The following EPHA4 variants were observed in gnomAD, a reference collection of about 807,000 sequenced individuals.
EPHA4 encodes ephrin type-A receptor 4.
EPHA4 carries 19 observed loss-of-function variants against 108.3 expected under a neutral mutation model. That is an observed-to-expected ratio of 0.18 (90% CI 0.12 to 0.26). The LOEUF (loss-of-function observed/expected upper bound fraction) is 0.26, where lower values mean the gene tolerates loss of function less well. EPHA4 is among the 10% of genes least tolerant of loss of function. The pLI is 1.00. For synonymous variants in EPHA4, 449 were observed against 455.5 expected, an observed-to-expected ratio of 0.99 and a Z score of 0.18; for missense variants, 917 against 1,254.0, an observed-to-expected ratio of 0.73 and a Z score of 4.06.
At chr2:221,422,427 C>A (rs1483866546) in intron 17 of EPHA4, among the ~76,000 whole-genome samples, 1 of 152,198 alleles carries the variant, frequency 6.6e-6, no homozygotes, top group East Asian at 1.9e-4. Flanking sequence ...CTCATAAACA[C>A]GTGTTGCCTT....
intron 3 of EPHA4, among the ~76,000 whole-genome samples, chr2:221,561,805 A>G (rs1694473958): frequency 6.6e-6 from 1 of 152,272 alleles, no homozygotes; most frequent in South Asian, 2.1e-4. Flanking sequence ...AATCAATGAC[A>G]TTAGATACAC....
chr2:221,559,127 T>A (rs1265758523), intron 3 of EPHA4, among the ~76,000 whole-genome samples: 2 of 152,256 alleles, frequency 1.3e-5, no homozygotes, highest in African/African-American at 4.8e-5. Context: ...TTGTTCTTTC[T>A]TTAAAAAGCT....
chr2:221,566,821 A>G (rs183549777), intron 2 of EPHA4, among the ~76,000 whole-genome samples: 4 of 141,710 alleles, frequency 2.8e-5, no homozygotes, highest in African/African-American at 1.1e-4. Context: ...GAAGAAGGAG[A>G]AGAAGGAGAA....
intron 5 of EPHA4, among the ~76,000 whole-genome samples, chr2:221,478,014 A>T (rs1336780645): frequency 6.6e-6 from 1 of 152,144 alleles, no homozygotes; most frequent in African/African-American, 2.4e-5. Flanking sequence ...CAAAGTAAAA[A>T]TAAAAAATGG....
At chr2:221,549,439 C>A (rs1694096595) in intron 3 of EPHA4, among the ~76,000 whole-genome samples, 1 of 152,206 alleles carries the variant, frequency 6.6e-6, no homozygotes, top group East Asian at 1.9e-4. Context: ...CACTTTCACT[C>A]TCCCCTCTCT....
intron 3 of EPHA4, among the ~76,000 whole-genome samples, chr2:221,524,036 G>A (rs959670286): frequency 1.3e-5 from 2 of 152,116 alleles, no homozygotes; most frequent in African/African-American, 2.4e-5. Flanking sequence ...GGTGAGAAAC[G>A]TTCTGAAGGA....
At chr2:221,437,191 G>T in intron 11 of EPHA4, 69 bp from the exon 12 acceptor site, 1 of 1,208,532 alleles carries the variant, frequency 8.3e-7, no homozygotes, top group Non-Finnish European at 1.2e-6. Context: ...AAAATGGGCT[G>T]CGCACAATTT....
intron 4 of EPHA4, among the ~76,000 whole-genome samples, chr2:221,490,897 G>C (rs1692122529): frequency 6.6e-6 from 1 of 152,172 alleles, no homozygotes; most frequent in South Asian, 2.1e-4. Context: ...CATCCCTCCT[G>C]ACATATATGA....
chr2:221,434,119 T>G, intron 14 of EPHA4, 23 bp downstream of exon 14: 4 of 1,598,716 alleles, frequency 2.5e-6, no homozygotes, highest in Non-Finnish European at 3.4e-6. Flanking sequence ...TGAAAAAATA[T>G]ATTTCAGAAC....
intron 3 of EPHA4, among the ~76,000 whole-genome samples, chr2:221,532,377 C>A (rs974896191): frequency 6.6e-6 from 1 of 152,154 alleles, no homozygotes; most frequent in African/African-American, 2.4e-5. Flanking sequence ...ACTGCCTTAG[C>A]CTCCCAAACT....
intron 8 of EPHA4, among the ~76,000 whole-genome samples, chr2:221,447,848 T>TTATTTATTTATTTAATC (rs1690642831): frequency 6.6e-6 from 1 of 151,826 alleles, no homozygotes; most frequent in African/African-American, 2.4e-5. Context: ...TTTATTTAAT[T>TTATTTATTTATTTAATC]TATTATTTTT....
At chr2:221,556,675 C>T (rs1694313157) in intron 3 of EPHA4, among the ~76,000 whole-genome samples, 1 of 151,920 alleles carries the variant, frequency 6.6e-6, no homozygotes, top group African/African-American at 2.4e-5. Flanking sequence ...GTAGTCTCCT[C>T]ATATCCATGA....
intron 3 of EPHA4, among the ~76,000 whole-genome samples, chr2:221,514,246 G>C (rs900202196): frequency 6.6e-6 from 1 of 152,118 alleles, no homozygotes; most frequent in Non-Finnish European, 1.5e-5. Flanking sequence ...TTGGCAGTTT[G>C]TCCAGCCTTA....
chr2:221,436,383 C>T lies in EPHA4; in HGVS notation c.2346+16G>A. On this transcript the variant is annotated intron_variant, in intron 13 of 17. Coordinates refer to ENST00000281821, the MANE Select transcript of EPHA4 (RefSeq NM_004438.5). ...TTCACCAGAGTGAAAGCCCAGATGT[C>T]ACCGATCTTTCTTACCCTGGTGGTG... 1 of 1,612,102 alleles carries T rather than the reference C, an allele frequency of 6.2e-7. No homozygotes were observed. The highest frequency in any genetic ancestry group is 1.1e-5 in the South Asian group (1 of 91,020).
intron 1 of EPHA4, among the ~76,000 whole-genome samples, 157 bp from the exon 2 acceptor site, chr2:221,568,942 T>A (rs1197037662): frequency 6.6e-6 from 1 of 152,236 alleles, no homozygotes; most frequent in South Asian, 2.1e-4. Context: ...TAATCATTAC[T>A]CATTTGATCT....
intron 5 of EPHA4, among the ~76,000 whole-genome samples, chr2:221,464,496 T>G (rs1691245747): frequency 6.6e-6 from 1 of 152,192 alleles, no homozygotes; most frequent in South Asian, 2.1e-4. Context: ...TTCTTCTACA[T>G]TCCAGATGGA....
intron 3 of EPHA4, among the ~76,000 whole-genome samples, chr2:221,527,925 C>T (rs2106180318): frequency 6.6e-6 from 1 of 152,236 alleles, no homozygotes; most frequent in African/African-American, 2.4e-5. Flanking sequence ...AATATTTCGC[C>T]AATTTCTGAG....
chr2:221,432,367 C>T (rs1475450815), intron 14 of EPHA4, among the ~76,000 whole-genome samples: 1 of 152,090 alleles, frequency 6.6e-6, no homozygotes, highest in Non-Finnish European at 1.5e-5. Context: ...GAGTCTCTAA[C>T]CTGAATCCAA....
chr2:221,538,004 A>AC (rs1414701350), intron 3 of EPHA4, among the ~76,000 whole-genome samples: 1 of 151,952 alleles, frequency 6.6e-6, no homozygotes, highest in African/African-American at 2.4e-5. Flanking sequence ...TGCTAAAAAA[A>AC]AAGGGGGGGT....
Sources: gnomAD v4.1 joint callset for allele counts (sites outside exome capture counted in the v4.1 genomes callset) on GRCh38, gnomAD v4.1.1 for gene constraint, MANE v1.5 for transcripts, NCBI Gene and HGNC (gene_info 2026-07-23, HGNC 2026-07-21) for gene names.